The following EIF3E variants were observed in gnomAD, a reference collection of about 807,000 sequenced individuals.
EIF3E encodes the protein eIF-3 p48.
EIF3E carries 25 observed loss-of-function variants against 59.3 expected under a neutral mutation model. The ratio of observed to expected loss-of-function variants is 0.42; its 90% CI spans 0.31 to 0.59. The LOEUF (loss-of-function observed/expected upper bound fraction) is 0.59, where lower values mean the gene tolerates loss of function less well. Among genes scored for constraint, EIF3E ranks in the 20% least tolerant of loss-of-function variants. The probability of loss-of-function intolerance (pLI) is 0.15; values close to 1 mark genes in which losing one functional copy is unlikely to be tolerated. For missense variants in EIF3E, 317 were observed against 534.3 expected (o/e 0.59, Z 4.01); for synonymous variants, 176 against 170.2 (o/e 1.03, Z -0.26).
intron 7 of EIF3E, among the ~76,000 whole-genome samples, chr8:108,223,509 T>G (rs868009337): frequency 2.0e-5 from 3 of 152,216 alleles, no homozygotes; most frequent in Admixed American, 1.3e-4. Flanking sequence ...GTGGATTGGT[T>G]AATAGTAAAA....
In EIF3E at chr8:108,204,731, G is replaced by GTATATA. The variant is rs148053969; in HGVS notation, c.1062-1234_1062-1229dup. Among the ~76,000 whole-genome samples the GTATATA allele has an allele frequency of 4.6e-3, 394 of 86,362 alleles. 2 individuals are homozygous for GTATATA. Among genetic ancestry groups the GTATATA allele is most frequent in the East Asian group, 8.7e-3 (23 of 2,652 alleles). The allele number at this position is 86,362 out of a possible 152,430, so 56.7% of individuals were successfully genotyped here. A position where few individuals can be genotyped will look rare whatever the true frequency, so the allele number is the denominator to read the frequency against. ...GCTATATACTATATATAGTATGTAT[G>GTATATA]TATATATATATATATAGAGAGAGAG... is the stretch of plus-strand genomic sequence containing the variant. On this transcript the variant is annotated intron_variant, in intron 10 of 12. Coordinates refer to ENST00000220849, the MANE Select transcript of EIF3E (RefSeq NM_001568.3).
At chr8:108,238,107 A>C (rs951232708) in intron 3 of EIF3E, among the ~76,000 whole-genome samples, 1 of 152,084 alleles carries the variant, frequency 6.6e-6, no homozygotes, top group Non-Finnish European at 1.5e-5. Flanking sequence ...CAGCATCCTA[A>C]ATTTTCTGTT....
At chr8:108,215,682 GAAGT>G (rs1366401104) in intron 9 of EIF3E, among the ~76,000 whole-genome samples, 14 of 152,222 alleles carry the variant, frequency 9.2e-5, no homozygotes, top group African/African-American at 2.9e-4. Context: ...TTTCCTTAGA[GAAGT>G]AAGATATTTG....
chr8:108,241,323 G>A (rs564228264), intron 2 of EIF3E, among the ~76,000 whole-genome samples: 1 of 152,122 alleles, frequency 6.6e-6, no homozygotes, highest in Non-Finnish European at 1.5e-5. Context: ...GATTAAGTAG[G>A]TCTGGTGTGT....
chr8:108,222,862 CAGTATT>C (rs1815445894), intron 7 of EIF3E, among the ~76,000 whole-genome samples: 1 of 142,836 alleles, frequency 7.0e-6, no homozygotes, highest in Non-Finnish European at 1.5e-5. Flanking sequence ...ATAACAGACT[CAGTATT>C]TGTGCTATGA....
chr8:108,243,411 C>G (rs1011140477), intron 1 of EIF3E: 2 of 151,964 alleles, frequency 1.3e-5, no homozygotes, highest in Admixed American at 1.3e-4. Context: ...AGGCGGATCA[C>G]GAGGTCAGGA....
intron 9 of EIF3E, 37 bp downstream of exon 9, chr8:108,216,375 G>A (rs1328312257): frequency 2.0e-6 from 3 of 1,476,392 alleles, no homozygotes; most frequent in African/African-American, 1.4e-5. Flanking sequence ...AAAAATTTAA[G>A]AATAGTATTA....
chr8:108,222,876 T>C (rs1407324217), intron 7 of EIF3E, among the ~76,000 whole-genome samples: 1 of 150,514 alleles, frequency 6.6e-6, no homozygotes, highest in Non-Finnish European at 1.5e-5. Context: ...ATTTGTGCTA[T>C]GAAGTGAAAT....
chr8:108,233,870 T>G (rs1168134731), intron 5 of EIF3E, among the ~76,000 whole-genome samples: 1 of 147,654 alleles, frequency 6.8e-6, no homozygotes, highest in African/African-American at 2.5e-5. Flanking sequence ...AAAGAAATCT[T>G]AGACTTTAAG....
chr8:108,207,352 T>C (rs1207983000), intron 10 of EIF3E, among the ~76,000 whole-genome samples: 1 of 152,116 alleles, frequency 6.6e-6, no homozygotes, highest in East Asian at 1.9e-4. Context: ...CATCAAAGTC[T>C]ACAGATATTA....
At position 108,239,960 on chromosome 8, in the gene EIF3E, G is replaced by C. The variant is rs1004646070; in HGVS notation, c.321C>G (p.Thr107=). The change falls in exon 3 of 13, where the codon ACC becomes ACG. Residue 107 remains threonine, a splice_region_variant and synonymous_variant. Coordinates refer to ENST00000220849, the MANE Select transcript of EIF3E (RefSeq NM_001568.3). The part of the protein sequence containing the change: ...DPETTRQMQS[T]RDGRMLFDYL... ...ATTCAAAATTAAGACGAGTTTACCT[G>C]GTTGACTGCATTTGCCTTGTAGTTT... 2 of 1,610,362 alleles carry C rather than the reference G, an allele frequency of 1.2e-6. No individual in the cohort carries two copies. The highest frequency in any genetic ancestry group is 1.7e-6 in the Non-Finnish European group (2 of 1,176,746).
chr8:108,242,205 T>A, intron 1 of EIF3E: 4 of 1,313,488 alleles, frequency 3.0e-6, no homozygotes, highest in Non-Finnish European at 4.0e-6. Flanking sequence ...ACAAACCATC[T>A]CTTACCCTTT....
chr8:108,216,305 T>C (rs1236898652), intron 9 of EIF3E, 107 bp downstream of exon 9: 2 of 819,250 alleles, frequency 2.4e-6, no homozygotes, highest in African/African-American at 3.6e-5. Context: ...TAAGCATATT[T>C]CCGTTATAAT....
chr8:108,246,971 C>T (rs1049900350), intron 1 of EIF3E, among the ~76,000 whole-genome samples: 1 of 152,114 alleles, frequency 6.6e-6, no homozygotes, highest in South Asian at 2.1e-4. Flanking sequence ...AAACTTATAA[C>T]GGATTTTTGA....
intron 10 of EIF3E, among the ~76,000 whole-genome samples, chr8:108,210,607 A>G (rs1815187810): frequency 2.6e-5 from 4 of 152,000 alleles, no homozygotes; most frequent in South Asian, 4.1e-4. Flanking sequence ...TCTTTTTTCT[A>G]TTATTATAGT....
chr8:108,204,248 G>A (rs1815049307), intron 10 of EIF3E, among the ~76,000 whole-genome samples: 1 of 151,968 alleles, frequency 6.6e-6, no homozygotes, highest in African/African-American at 2.4e-5. Flanking sequence ...AAAGACACTT[G>A]TACAGATATA....
At position 108,202,309 on chromosome 8, in the gene EIF3E, AG is replaced by A. The variant is rs541123406; in HGVS notation, c.1300-387del. On this transcript the variant is annotated intron_variant, in intron 12 of 12. Transcript: ENST00000220849. ...AATGCATCCTTCTCATTTGAACTAA[AG>A]GATTATTCTGCGGACACAAATTTGT... Among the ~76,000 whole-genome samples, 68 of 152,252 alleles carry A rather than the reference AG, an allele frequency of 4.5e-4. 4 individuals are homozygous for A. In the South Asian group the frequency reaches 0.013, roughly 30 times the overall value.
chr8:108,237,283 A>C (rs1437269153), intron 3 of EIF3E, among the ~76,000 whole-genome samples: 1 of 152,010 alleles, frequency 6.6e-6, no homozygotes, highest in African/African-American at 2.4e-5. Flanking sequence ...ACGGAGTCTC[A>C]CTCTGTCACT....
chr8:108,203,542 G>A (rs371569593), intron 10 of EIF3E, 39 bp from the exon 11 acceptor site: 2 of 1,565,312 alleles, frequency 1.3e-6, no homozygotes, highest in Non-Finnish European at 1.8e-6. Flanking sequence ...AATTAACTGG[G>A]CCTAAAAACT....
Sources: allele counts gnomAD v4.1 joint callset (sites outside exome capture counted in the v4.1 genomes callset), GRCh38; gene constraint gnomAD v4.1.1; transcripts MANE v1.5; gene names NCBI Gene and HGNC (gene_info 2026-07-23, HGNC 2026-07-21).